The following NET1 variants were observed in gnomAD, a reference collection of about 807,000 sequenced individuals.
The protein encoded by NET1 is neuroepithelial cell-transforming gene 1 protein.
Under a neutral mutation model 61.1 loss-of-function variants are expected in NET1, and 42 were observed. The ratio of observed to expected loss-of-function variants is 0.69; its 90% CI spans 0.54 to 0.89. The LOEUF is 0.89. Among genes scored for constraint, NET1 ranks in the 40% least tolerant of loss-of-function variants. The pLI is 0.00. For synonymous variants in NET1, 254 were observed against 281.8 expected (o/e 0.90, Z 0.99); for missense variants, 654 against 747.3 (o/e 0.88, Z 1.46).
chr10:5,454,993 G>T lies in NET1; in HGVS notation c.1072G>T (p.Gly358Cys). The change falls in exon 10 of 12, where the codon GGT (glycine) becomes TGT (cysteine). Residue 358 changes from glycine to cysteine, a missense_variant. Transcript: ENST00000355029. The surrounding 1 kb of genome is among the most constrained non-coding windows in gnomAD (Gnocchi z 8.1). Reference sequence around the variant, plus strand: ...CCTCTCTGATATCAACTTGAAGAAAGGTGAATCCGAGTGCCAGTATTACAT... The same window carrying T: ...CCTCTCTGATATCAACTTGAAGAAATGTGAATCCGAGTGCCAGTATTACAT... ...GVLSDINLKK[G>C]ESECQYYIDK... The T allele has an allele frequency of 6.2e-7, 1 of 1,614,140 alleles. No homozygotes were observed. Among genetic ancestry groups the T allele is most frequent in the Middle Eastern group, 1.7e-4 (1 of 6,040 alleles).
chr10:5,440,649 A>G lies in NET1; in HGVS notation c.256-11181A>G, dbSNP rs753492471. ...AAGGGGTGAAATTTCAGGGACTCCC[A>G]CTTAGCTATTCCCACCATGGTGCTG... On this transcript the variant is annotated intron_variant, in intron 3 of 11. Transcript: ENST00000355029. This position sits in a 1 kb window ranked among gnomAD's most constrained non-coding sequence, Gnocchi z 4.1. 6.6e-5 allele frequency among the ~76,000 whole-genome samples: 10 copies of G among 152,184 alleles called. No individual in the cohort carries two copies. The highest frequency in any genetic ancestry group is 2.4e-5 in the African/African-American group (1 of 41,434).
rs1832552702 is a variant in NET1, at chr10:5,443,172, G to A, written c.256-8658G>A. Among the ~76,000 whole-genome samples, 1 of 152,134 alleles carries A rather than the reference G, an allele frequency of 6.6e-6. No individual in the cohort carries two copies. Among genetic ancestry groups the A allele is most frequent in the African/African-American group, 2.4e-5 (1 of 41,406 alleles). On this transcript the variant is annotated intron_variant, in intron 3 of 11. Coordinates refer to ENST00000355029, the MANE Select transcript of NET1 (RefSeq NM_001047160.3). The surrounding 1 kb of genome is among the most constrained non-coding windows in gnomAD (Gnocchi z 4.8). ...AACATGTGCTAAAGGTTTTATATGG[G>A]TTATCTTCATCTGGACAGTGTCACA...
At chr10:5,428,572 G>A (rs1397930454) in intron 2 of NET1, among the ~76,000 whole-genome samples, 1 of 151,402 alleles carries the variant, frequency 6.6e-6, no homozygotes, top group Non-Finnish European at 1.5e-5. Context: ...GACAGCCCTT[G>A]ATTTACATAA....
rs60510223 is a variant in NET1 at position 5,431,904 on chromosome 10, T to G, written c.255+2675T>G. Among the ~76,000 whole-genome samples the G allele has an allele frequency of 4.6e-3, 697 of 152,292 alleles. 29 individuals carry two copies. In the East Asian group the frequency reaches 0.096, roughly 21 times the overall value. On this transcript the variant is annotated intron_variant, in intron 3 of 11. Transcript: ENST00000355029. This position sits in a 1 kb window ranked among gnomAD's most constrained non-coding sequence, Gnocchi z 4.9. ...CAGGCATGAGCCACCACGCCTGGCC[T>G]CATTTCAGTTATTCTTACTGATGCC...
In NET1 at chr10:5,415,013, TTAAA is replaced by T. The variant is rs1832055272; in HGVS notation, c.128+2197_128+2200del. ...AGAACCATGGAGAGAAAATGGAGAA[TTAAA>T]TAACATATTCCTTTTCCAGAAAAGA... On this transcript the variant is annotated intron_variant, in intron 1 of 11. Coordinates refer to ENST00000355029, the MANE Select transcript of NET1 (RefSeq NM_001047160.3). The surrounding 1 kb of genome is among the most constrained non-coding windows in gnomAD (Gnocchi z 4.7). Among the ~76,000 whole-genome samples the T allele has an allele frequency of 6.6e-6, 1 of 152,036 alleles. No homozygotes were observed.
Position 5,446,203 on chromosome 10 carries a change from A to C in NET1, c.256-5627A>C, listed in dbSNP as rs1433316788. On this transcript the variant is annotated intron_variant, in intron 3 of 11. Coordinates refer to ENST00000355029, the MANE Select transcript of NET1 (RefSeq NM_001047160.3). The surrounding 1 kb of genome is among the most constrained non-coding windows in gnomAD (Gnocchi z 5.0). Reference sequence around the variant, plus strand: ...AATATGCTTGCACTTCTGTAAAATAAAAGCAGGTTTCCTGGAAAATTAGGC... The same window carrying C: ...AATATGCTTGCACTTCTGTAAAATACAAGCAGGTTTCCTGGAAAATTAGGC... 6.6e-6 allele frequency among the ~76,000 whole-genome samples: 1 copy of C among 152,200 alleles called. No homozygotes were observed. The highest frequency in any genetic ancestry group is 1.5e-5 in the Non-Finnish European group (1 of 68,036).
At position 5,416,009 on chromosome 10, in the gene NET1, G is replaced by C. The variant is rs563944076; in HGVS notation, c.128+3189G>C. Among the ~76,000 whole-genome samples, 4 of 152,212 alleles carry C rather than the reference G, an allele frequency of 2.6e-5. No homozygotes were observed. The East Asian group carries it at 7.7e-4, about 29-fold the overall frequency. On this transcript the variant is annotated intron_variant, in intron 1 of 11. Transcript: ENST00000355029. The surrounding 1 kb of genome is among the most constrained non-coding windows in gnomAD (Gnocchi z 6.1). ...TCCTTTCCCCAGTGCTTTCTTCTGA[G>C]AATTTTATCATTTTAGCTTTTATAT...
intron 2 of NET1, among the ~76,000 whole-genome samples, chr10:5,428,578 C>T (rs1012207497): frequency 6.6e-6 from 1 of 151,282 alleles, no homozygotes; most frequent in South Asian, 2.1e-4. Flanking sequence ...CCTTGATTTA[C>T]ATAAGAGTTC....
chr10:5,456,111 G>A lies in NET1; in HGVS notation c.1222G>A (p.Asp408Asn). ...GAAACTTTACATTTTCCTGTTTCAA[G>A]ACATCTTGGTTCTGACTCGGCCCGT... ...GHKLYIFLFQ[D>N]ILVLTRPVTR... is the part of the protein sequence containing the mutation. The change falls in exon 11 of 12, where the codon GAC (aspartate) becomes AAC (asparagine). Residue 408 changes from aspartate to asparagine, a missense_variant. By Grantham distance (23) the Asp-to-Asn change is conservative. Coordinates refer to ENST00000355029, the MANE Select transcript of NET1 (RefSeq NM_001047160.3). This position sits in a 1 kb window ranked among gnomAD's most constrained non-coding sequence, Gnocchi z 7.0. The A allele has an allele frequency of 6.2e-7, 1 of 1,612,428 alleles. No homozygotes were observed. Among genetic ancestry groups the A allele is most frequent in the Non-Finnish European group, 8.5e-7 (1 of 1,179,506 alleles).
chr10:5,452,494 C>A lies in NET1; in HGVS notation c.500C>A (p.Ser167Tyr). 1 of 1,614,058 alleles carries A rather than the reference C, an allele frequency of 6.2e-7. No individual in the cohort carries two copies. Among genetic ancestry groups the A allele is most frequent in the Non-Finnish European group, 8.5e-7 (1 of 1,179,948 alleles). The stretch of plus-strand genomic sequence containing the variant: ...ATGCTGGACATCACCATGAAGGAGT[C>A]TCTCACCACCAGGGAGATCAGACGG... Reference protein sequence around the residue: ...SEMLDITMKESLTTREIRRQE... With the variant: ...SEMLDITMKEYLTTREIRRQE... Residue 167 changes from serine (S) to tyrosine (Y), a missense_variant, in exon 5 of 12, where the codon TCT (serine) becomes TAT (tyrosine). Coordinates refer to ENST00000355029, the MANE Select transcript of NET1 (RefSeq NM_001047160.3). The surrounding 1 kb of genome is among the most constrained non-coding windows in gnomAD (Gnocchi z 4.0).
chr10:5,423,758 C>T lies in NET1; in HGVS notation c.129-2897C>T, dbSNP rs192643723. 2.6e-5 allele frequency among the ~76,000 whole-genome samples: 4 copies of T among 151,982 alleles called. No homozygotes were observed. The East Asian group carries it at 7.7e-4, about 29-fold the overall frequency. On this transcript the variant is annotated intron_variant, in intron 1 of 11. Coordinates refer to ENST00000355029, the MANE Select transcript of NET1 (RefSeq NM_001047160.3). The surrounding 1 kb of genome is among the most constrained non-coding windows in gnomAD (Gnocchi z 4.4). Reference sequence around the variant, plus strand: ...AATGTTTTATGAAATCATTTTTTTCCCCACAAGGATTTAAAATAGCTATTA... The same window carrying T: ...AATGTTTTATGAAATCATTTTTTTCTCCACAAGGATTTAAAATAGCTATTA...
Position 5,426,621 on chromosome 10 carries a change from C to T in NET1, c.129-34C>T. ...GATGCTCTATTATGCTAAAGTCAAT[C>T]TCTTTATTTATTGTTTGAATTTTCC... On this transcript the variant is annotated intron_variant, in intron 1 of 11. Coordinates refer to ENST00000355029, the MANE Select transcript of NET1 (RefSeq NM_001047160.3). The surrounding 1 kb of genome is among the most constrained non-coding windows in gnomAD (Gnocchi z 4.6). 6.6e-7 allele frequency: 1 copy of T among 1,522,882 alleles called. No individual in the cohort carries two copies. Among genetic ancestry groups the T allele is most frequent in the Non-Finnish European group, 9.0e-7 (1 of 1,106,046 alleles). 94.3% of individuals were successfully genotyped at this position (1,522,882 alleles called of 1,614,324 possible). A position where few individuals can be genotyped will look rare whatever the true frequency, so the allele number is the denominator to read the frequency against.
intron 3 of NET1, among the ~76,000 whole-genome samples, chr10:5,436,488 G>A (rs1371809719): frequency 2.0e-5 from 3 of 150,372 alleles, no homozygotes; most frequent in African/African-American, 4.9e-5. Context: ...CACCTGCCTC[G>A]GCCTCCCAAA....
chr10:5,428,493 C>T, intron 2 of NET1, among the ~76,000 whole-genome samples: 1 of 17,382 alleles, frequency 5.8e-5, no homozygotes. Context: ...ATAATGTGTT[C>T]CTTTTCAAAA....
rs889017107 is a variant in NET1, at chr10:5,422,292, G to A, written c.129-4363G>A. On this transcript the variant is annotated intron_variant, in intron 1 of 11. Coordinates refer to ENST00000355029, the MANE Select transcript of NET1 (RefSeq NM_001047160.3). This position sits in a 1 kb window ranked among gnomAD's most constrained non-coding sequence, Gnocchi z 4.1. Reference sequence around the variant, plus strand: ...GCGGAGGTTGTAGTGAGCCGAGATCGTACCACTGCACTCCAGCCTGGGTGA... The same window carrying A: ...GCGGAGGTTGTAGTGAGCCGAGATCATACCACTGCACTCCAGCCTGGGTGA... Among the ~76,000 whole-genome samples the A allele has an allele frequency of 2.6e-5, 4 of 151,430 alleles. No individual in the cohort carries two copies. Among genetic ancestry groups the A allele is most frequent in the Admixed American group, 6.6e-5 (1 of 15,216 alleles).
rs895594370 is a variant in NET1 at position 5,439,665 on chromosome 10, G to A, written c.255+10436G>A. 6.6e-5 allele frequency among the ~76,000 whole-genome samples: 10 copies of A among 152,316 alleles called. No individual in the cohort carries two copies. The highest frequency in any genetic ancestry group is 3.9e-4 in the East Asian group (2 of 5,186). On this transcript the variant is annotated intron_variant, in intron 3 of 11. Coordinates refer to ENST00000355029, the MANE Select transcript of NET1 (RefSeq NM_001047160.3). This position sits in a 1 kb window ranked among gnomAD's most constrained non-coding sequence, Gnocchi z 4.8. ...CACACCTGGGGCTGCTTTTCAAACC[G>A]GAGTCATTTTCTGCTGTGGAAAGCA...
chr10:5,456,903 A>G lies in NET1; in HGVS notation c.1700A>G (p.Lys567Arg). Residue 567 changes from lysine (K) to arginine (R), a missense_variant, in exon 12 of 12, where the codon AAG (lysine) becomes AGG (arginine). Transcript: ENST00000355029. The surrounding 1 kb of genome is among the most constrained non-coding windows in gnomAD (Gnocchi z 7.0). The stretch of plus-strand genomic sequence containing the variant: ...GGCATGCAGATGGCAGAGGACAGCA[A>G]GAGCTTAAAGACACACCAGACACAG... ...GSGMQMAEDS[K>R]SLKTHQTQPG... 1 of 1,614,048 alleles carries G rather than the reference A, an allele frequency of 6.2e-7. No individual in the cohort carries two copies. The highest frequency in any genetic ancestry group is 8.5e-7 in the Non-Finnish European group (1 of 1,179,972).
chr10:5,415,027 C>A lies in NET1; in HGVS notation c.128+2207C>A, dbSNP rs1832055493. ...AAAATGGAGAATTAAATAACATATT[C>A]CTTTTCCAGAAAAGATGTAAGATCA... On this transcript the variant is annotated intron_variant, in intron 1 of 11. Coordinates refer to ENST00000355029, the MANE Select transcript of NET1 (RefSeq NM_001047160.3). The surrounding 1 kb of genome is among the most constrained non-coding windows in gnomAD (Gnocchi z 4.7). Among the ~76,000 whole-genome samples, 1 of 152,074 alleles carries A rather than the reference C, an allele frequency of 6.6e-6. No individual in the cohort carries two copies. The highest frequency in any genetic ancestry group is 1.5e-5 in the Non-Finnish European group (1 of 68,030).
At position 5,431,040 on chromosome 10, in the gene NET1, T is replaced by G. The variant is rs1200304138; in HGVS notation, c.255+1811T>G. Among the ~76,000 whole-genome samples the G allele has an allele frequency of 6.6e-6, 1 of 151,064 alleles. No individual in the cohort carries two copies. The highest frequency in any genetic ancestry group is 1.5e-5 in the Non-Finnish European group (1 of 67,770). ...GTGCCCGCCACCACGCCCGGCTAAT[T>G]TTTTGTATTTTCAGTAGAGACGGGG... is the stretch of plus-strand genomic sequence containing the variant. On this transcript the variant is annotated intron_variant, in intron 3 of 11. Transcript: ENST00000355029. This position sits in a 1 kb window ranked among gnomAD's most constrained non-coding sequence, Gnocchi z 4.9.
Sources: allele counts gnomAD v4.1 joint callset (sites outside exome capture counted in the v4.1 genomes callset), GRCh38; gene constraint gnomAD v4.1.1; non-coding constraint Gnocchi (gnomAD v3.1); transcripts MANE v1.5; gene names NCBI Gene and HGNC (gene_info 2026-07-23, HGNC 2026-07-21).